ATXN2: variants seen among roughly 807,000 people sequenced by gnomAD.
ATXN2 encodes ataxin 2.
ATXN2 carries 37 observed loss-of-function variants against 138.6 expected under a neutral mutation model. The observed-to-expected ratio is 0.27, with a 90% CI of 0.21 to 0.35. The LOEUF is 0.35. Ranked by LOEUF, ATXN2 falls within the 10% of genes least tolerant of loss-of-function variation. The pLI is 1.00. For synonymous variants in ATXN2, 549 were observed against 543.7 expected, an observed-to-expected ratio of 1.01 and a Z score of -0.13; for missense variants, 1,216 against 1,480.3, an observed-to-expected ratio of 0.82 and a Z score of 2.93.
chr12:111,484,412 TTTTTTTGTTTGTTTG>T (rs757772989), intron 18 of ATXN2, among the ~76,000 whole-genome samples: 18 of 151,772 alleles, frequency 1.2e-4, no homozygotes, highest in African/African-American at 3.6e-4. Context: ...ATTAGTCTGG[TTTTTTTGTTTGTTTG>T]TTTTTTGTTT....
At chr12:111,477,528 C>T (rs538651689) in intron 18 of ATXN2, among the ~76,000 whole-genome samples, 83 of 151,878 alleles carry the variant, frequency 5.5e-4, no homozygotes, top group African/African-American at 1.9e-3. Context: ...ACCTAGGGTA[C>T]GTAAAAGATT....
chr12:111,592,577 G>GT (rs1187087524), intron 1 of ATXN2, among the ~76,000 whole-genome samples: 1 of 151,850 alleles, frequency 6.6e-6, no homozygotes, highest in African/African-American at 2.4e-5. Flanking sequence ...GAGGTCAGGA[G>GT]TTTGAGACCA....
chr12:111,598,740 G>A lies in ATXN2; in HGVS notation c.251+44C>T. On this transcript the variant is annotated intron_variant, in intron 1 of 24. Transcript: ENST00000673436. This position sits in a 1 kb window ranked among gnomAD's most constrained non-coding sequence, Gnocchi z 4.5. ...CGGCGGCGCGGGCCGCGGGGGAGGG[G>A]ACGCCGGGCCCGGAGCGGAGGGGGC... 3 of 1,142,944 alleles carry A rather than the reference G, an allele frequency of 2.6e-6. No homozygotes were observed. The highest frequency in any genetic ancestry group is 3.2e-6 in the Non-Finnish European group (3 of 927,612). 70.8% of individuals were successfully genotyped at this position (1,142,944 alleles called of 1,614,324 possible). A position where few individuals can be genotyped will look rare whatever the true frequency, so the allele number is the denominator to read the frequency against.
intron 18 of ATXN2, among the ~76,000 whole-genome samples, chr12:111,478,172 C>T (rs769777839): frequency 6.6e-6 from 1 of 151,680 alleles, no homozygotes; most frequent in Non-Finnish European, 1.5e-5. Context: ...TTTGGGAGGC[C>T]GAGGCAGGTA....
chr12:111,488,812 C>A (rs1036100598), intron 14 of ATXN2, 32 bp from the exon 15 acceptor site: 1 of 1,503,444 alleles, frequency 6.7e-7, no homozygotes, highest in Non-Finnish European at 9.0e-7. Flanking sequence ...ACTTAAATAT[C>A]TTAAATAACT....
chr12:111,474,495 C>T (rs1876654770), intron 18 of ATXN2, among the ~76,000 whole-genome samples: 1 of 152,164 alleles, frequency 6.6e-6, no homozygotes, highest in South Asian at 2.1e-4. Flanking sequence ...GTCACAGTTA[C>T]TTGAGAGGCT....
Position 111,552,678 on chromosome 12 carries a change from C to A in ATXN2, c.420+228G>T, listed in dbSNP as rs974534568. ...AATAATAATTTTTAAGAGGAAAAAA[C>A]AAACCACCACATCCCTCTATTAGCT... On this transcript the variant is annotated intron_variant, in intron 4 of 24. Coordinates refer to ENST00000673436, the MANE Select transcript of ATXN2 (RefSeq NM_001372574.1). This position sits in a 1 kb window ranked among gnomAD's most constrained non-coding sequence, Gnocchi z 4.1. 4.0e-5 allele frequency: 22 copies of A among 547,850 alleles called. No homozygotes were observed. In the South Asian group the frequency reaches 6.8e-4, roughly 17 times the overall value. 33.9% of individuals were successfully genotyped at this position (547,850 alleles called of 1,614,324 possible). A position where few individuals can be genotyped will look rare whatever the true frequency, so the allele number is the denominator to read the frequency against.
intron 5 of ATXN2, among the ~76,000 whole-genome samples, chr12:111,545,503 G>C (rs541874831): frequency 7.9e-5 from 12 of 152,158 alleles, no homozygotes; most frequent in African/African-American, 2.9e-4. Flanking sequence ...GGCTGAGGCT[G>C]CAGTGAGCTG....
At chr12:111,574,164 C>T (rs1883494891) in intron 1 of ATXN2, among the ~76,000 whole-genome samples, 2 of 151,186 alleles carry the variant, frequency 1.3e-5, no homozygotes, top group African/African-American at 4.9e-5. Flanking sequence ...AAAAATTAGC[C>T]GGGCGTGGTG....
Position 111,470,135 on chromosome 12 carries a change from C to A in ATXN2, c.2815G>T (p.Ala939Ser). The change falls in exon 20 of 25, where the codon GCT (alanine) becomes TCT (serine). Residue 939 changes from alanine to serine, a missense_variant. By Grantham distance (99) the Ala-to-Ser change is moderately conservative. Coordinates refer to ENST00000673436, the MANE Select transcript of ATXN2 (RefSeq NM_001372574.1). ...TACATCGCATGCGTCTGCTCATGAG[C>A]CCCGTACTGAGTTGCTGAAGAAGAT... is the stretch of plus-strand genomic sequence containing the variant. Reference protein sequence around the residue: ...LVSSSATQYGAHEQTHAMYAC... With the variant: ...LVSSSATQYGSHEQTHAMYAC... The A allele has an allele frequency of 3.7e-6, 6 of 1,614,102 alleles. No individual in the cohort carries two copies. The highest frequency in any genetic ancestry group is 5.1e-6 in the Non-Finnish European group (6 of 1,180,016).
chr12:111,585,220 C>T (rs1433809881), intron 1 of ATXN2, among the ~76,000 whole-genome samples: 4 of 152,184 alleles, frequency 2.6e-5, no homozygotes, highest in South Asian at 2.1e-4. Flanking sequence ...AACTTACAGT[C>T]AAAACTCCCA....
chr12:111,469,277 A>G (rs1448880812), intron 20 of ATXN2: 1 of 152,250 alleles, frequency 6.6e-6, no homozygotes, highest in Non-Finnish European at 1.5e-5. Flanking sequence ...ATTCAGAACA[A>G]AACATCTTAA....
intron 14 of ATXN2, among the ~76,000 whole-genome samples, chr12:111,498,940 A>C (rs1488150976): frequency 1.3e-5 from 2 of 152,174 alleles, no homozygotes; most frequent in African/African-American, 4.8e-5. Context: ...ATGAACATAC[A>C]CTGGGGAAAG....
At chr12:111,599,612 G>A (rs916816099), upstream of ATXN2, 4 of 1,079,540 alleles carry the variant, frequency 3.7e-6, no homozygotes, top group Admixed American at 2.1e-4. Context: ...AGAACGTGAG[G>A]TGGCCCCGGG....
intron 18 of ATXN2, among the ~76,000 whole-genome samples, chr12:111,475,802 A>T (rs1164357931): frequency 6.6e-6 from 1 of 152,210 alleles, no homozygotes; most frequent in Non-Finnish European, 1.5e-5. Context: ...GTGGATGAGA[A>T]GGTAGTCCTA....
intron 1 of ATXN2, among the ~76,000 whole-genome samples, chr12:111,593,962 A>T (rs2135854188): frequency 1.3e-5 from 2 of 152,290 alleles, no homozygotes; most frequent in South Asian, 4.1e-4. Context: ...CCAACCTTCA[A>T]ATCTTTGCTC....
chr12:111,505,268 C>A (rs891384024), intron 14 of ATXN2, among the ~76,000 whole-genome samples: 1 of 152,130 alleles, frequency 6.6e-6, no homozygotes, highest in South Asian at 2.1e-4. Context: ...CTTAAAAAAA[C>A]CCAGAAGAGT....
At chr12:111,494,958 CTG>C (rs1253443969) in intron 14 of ATXN2, among the ~76,000 whole-genome samples, 4 of 152,020 alleles carry the variant, frequency 2.6e-5, no homozygotes, top group Non-Finnish European at 5.9e-5. Context: ...AGTAACAACA[CTG>C]AATGTAAATC....
intron 18 of ATXN2, among the ~76,000 whole-genome samples, chr12:111,475,030 G>A (rs1301127090): frequency 6.6e-6 from 1 of 152,182 alleles, no homozygotes; most frequent in South Asian, 2.1e-4. Context: ...TGGCTAACAC[G>A]GTGAAACCCT....
Sources: gnomAD v4.1 joint callset for allele counts (sites outside exome capture counted in the v4.1 genomes callset) on GRCh38, gnomAD v4.1.1 for gene constraint, Gnocchi (gnomAD v3.1) non-coding constraint, MANE v1.5 for transcripts, NCBI Gene and HGNC (gene_info 2026-07-23, HGNC 2026-07-21) for gene names.